Variants in GRK5 observed in about 807,000 individuals in gnomAD.
GRK5 encodes g protein-coupled receptor kinase GRK5.
Under a neutral mutation model 78.4 loss-of-function variants are expected in GRK5, and 40 were observed. The observed-to-expected ratio is 0.51, with a 90% confidence interval of 0.40 to 0.66. GRK5 has a LOEUF of 0.66. Among genes scored for constraint, GRK5 ranks in the 30% least tolerant of loss-of-function variants. The pLI is 0.00. For missense variants in GRK5, 598 were observed against 759.9 expected (o/e 0.79, Z 2.50); for synonymous variants, 289 against 296.8 (o/e 0.97, Z 0.27).
chr10:119,208,851 T>C (rs1325705469), intron 1 of GRK5, among the ~76,000 whole-genome samples: 6 of 151,948 alleles, frequency 3.9e-5, no homozygotes, highest in Non-Finnish European at 8.8e-5. Flanking sequence ...GAAATGATTG[T>C]GTTGTGTCCA....
At chr10:119,355,377 C>T (rs952158376) in intron 2 of GRK5, among the ~76,000 whole-genome samples, 4 of 152,292 alleles carry the variant, frequency 2.6e-5, no homozygotes, top group South Asian at 2.1e-4. Flanking sequence ...GGTATCTCTA[C>T]GAGGTGCTTA....
intron 1 of GRK5, among the ~76,000 whole-genome samples, chr10:119,233,253 G>A (rs1214075839): frequency 6.6e-6 from 1 of 152,244 alleles, no homozygotes; most frequent in African/African-American, 2.4e-5. Flanking sequence ...ACTCCTCCCT[G>A]TATTTAATCC....
chr10:119,255,038 C>CAA lies in GRK5; in HGVS notation c.52+47087_52+47088dup, dbSNP rs11427427. ...TGGGCGACAGAGCAAGACTCAGTCTCAAAAAAAAAAAAAAAAAAAGAAGGA... is the reference window on the plus strand; with the variant it reads ...TGGGCGACAGAGCAAGACTCAGTCTCAAAAAAAAAAAAAAAAAAAAAGAAGGA... On this transcript the variant is annotated intron_variant, in intron 1 of 15. Transcript: ENST00000392870. Among the ~76,000 whole-genome samples the CAA allele has an allele frequency of 8.5e-3, 961 of 113,200 alleles. 12 individuals are homozygous for CAA. The highest frequency in any genetic ancestry group is 0.013 in the Middle Eastern group (3 of 226). 74.3% of individuals were successfully genotyped at this position (113,200 alleles called of 152,430 possible).
At chr10:119,339,131 T>C (rs1850940967) in intron 2 of GRK5, among the ~76,000 whole-genome samples, 1 of 152,208 alleles carries the variant, frequency 6.6e-6, no homozygotes, top group African/African-American at 2.4e-5. Context: ...AAGTGGATGA[T>C]GTTTGGCGAG....
In GRK5 at chr10:119,456,254, C is replaced by A. The variant is rs1246495940; in HGVS notation, c.*1187C>A. 6.6e-6 allele frequency: 1 copy of A among 152,192 alleles called. No homozygotes were observed. Among genetic ancestry groups the A allele is most frequent in the Non-Finnish European group, 1.5e-5 (1 of 68,054 alleles). The allele number at this position is 152,192 out of a possible 1,614,324, so 9.4% of individuals were successfully genotyped here. A position where few individuals can be genotyped will look rare whatever the true frequency, so the allele number is the denominator to read the frequency against. On this transcript the variant is annotated 3_prime_UTR_variant, in exon 16 of 16. Coordinates refer to ENST00000392870, the MANE Select transcript of GRK5 (RefSeq NM_005308.3). This position sits in a 1 kb window ranked among gnomAD's most constrained non-coding sequence, Gnocchi z 5.5. Reference sequence around the variant, plus strand: ...GTAGTCTCTCTGGGCAAATGAGAGGCCCAAGGAGAGACCAAGCCACCAAAG... The same window carrying A: ...GTAGTCTCTCTGGGCAAATGAGAGGACCAAGGAGAGACCAAGCCACCAAAG...
intron 12 of GRK5, among the ~76,000 whole-genome samples, chr10:119,444,998 CCT>C (rs1257179098): frequency 6.6e-6 from 1 of 152,224 alleles, no homozygotes; most frequent in African/African-American, 2.4e-5. Flanking sequence ...CAGCCAGACA[CCT>C]CTGCTTGGCC....
chr10:119,350,837 G>C (rs1013822442), intron 2 of GRK5, among the ~76,000 whole-genome samples: 1 of 152,222 alleles, frequency 6.6e-6, no homozygotes, highest in African/African-American at 2.4e-5. Flanking sequence ...CATGCACGCA[G>C]CACAGCAGAA....
At chr10:119,326,262 G>A (rs755883814) in intron 1 of GRK5, among the ~76,000 whole-genome samples, 143 of 152,340 alleles carry the variant, frequency 9.4e-4, no homozygotes, top group Admixed American at 3.6e-3. Context: ...GTGTGGGTGG[G>A]GTGCAGGGGA....
intron 1 of GRK5, among the ~76,000 whole-genome samples, chr10:119,289,679 CG>C (rs1310484674): frequency 2.0e-5 from 3 of 152,186 alleles, no homozygotes; most frequent in African/African-American, 7.2e-5. Flanking sequence ...ACGGGCCTCC[CG>C]CTTCCCGAGT....
intron 1 of GRK5, among the ~76,000 whole-genome samples, chr10:119,268,458 T>C (rs1221310124): frequency 6.6e-6 from 1 of 152,204 alleles, no homozygotes; most frequent in Non-Finnish European, 1.5e-5. Flanking sequence ...AGTCCTTCCT[T>C]TTGCTACTTT....
chr10:119,409,157 G>A (rs537480354), intron 4 of GRK5, among the ~76,000 whole-genome samples: 44 of 152,318 alleles, frequency 2.9e-4, no homozygotes, highest in Middle Eastern at 3.4e-3. Flanking sequence ...TCCACTCTGC[G>A]CTGTGTCCTT....
intron 12 of GRK5, 27 bp from the exon 13 acceptor site, chr10:119,448,096 G>C (rs764501921): frequency 9.9e-6 from 15 of 1,518,730 alleles, no homozygotes; most frequent in East Asian, 2.6e-5. Flanking sequence ...CCCAGGGGAC[G>C]TGGCTTCATG....
chr10:119,448,851 C>T (rs949827548), intron 13 of GRK5, among the ~76,000 whole-genome samples: 1 of 152,188 alleles, frequency 6.6e-6, no homozygotes, highest in Non-Finnish European at 1.5e-5. Flanking sequence ...TGAAAGTCCC[C>T]TACATGGTCT....
intron 2 of GRK5, among the ~76,000 whole-genome samples, chr10:119,340,658 T>G (rs1030877636): frequency 2.0e-5 from 3 of 152,200 alleles, no homozygotes; most frequent in East Asian, 1.9e-4. Flanking sequence ...TCATTTAAAA[T>G]GGAAACCTGT....
intron 4 of GRK5, among the ~76,000 whole-genome samples, chr10:119,407,084 A>T (rs1336859469): frequency 1.3e-5 from 2 of 151,918 alleles, no homozygotes; most frequent in African/African-American, 4.8e-5. Context: ...CAGCGTGCAA[A>T]CAGATAAAAA....
intron 4 of GRK5, among the ~76,000 whole-genome samples, chr10:119,416,693 A>G (rs977695446): frequency 1.3e-5 from 2 of 151,976 alleles, no homozygotes; most frequent in Non-Finnish European, 2.9e-5. Context: ...TCCTGGGTTC[A>G]AGCGATTCTC....
chr10:119,326,809 G>C (rs1020437475), intron 2 of GRK5, among the ~76,000 whole-genome samples, 198 bp downstream of exon 2: 2 of 152,242 alleles, frequency 1.3e-5, no homozygotes, highest in Admixed American at 1.3e-4. Flanking sequence ...CAGGCAACCA[G>C]TATTCATTGA....
At chr10:119,331,974 G>T (rs1020680154) in intron 2 of GRK5, among the ~76,000 whole-genome samples, 2 of 152,118 alleles carry the variant, frequency 1.3e-5, no homozygotes, top group Non-Finnish European at 2.9e-5. Flanking sequence ...AATACATAGG[G>T]TTACAGAGGA....
chr10:119,296,989 G>A (rs1268839507), intron 1 of GRK5, among the ~76,000 whole-genome samples: 3 of 152,220 alleles, frequency 2.0e-5, no homozygotes, highest in Non-Finnish European at 2.9e-5. Flanking sequence ...CACAGCTGAA[G>A]CTGGCAGCTC....
Sources: gnomAD v4.1 joint callset for allele counts (sites outside exome capture counted in the v4.1 genomes callset) on GRCh38, gnomAD v4.1.1 for gene constraint, Gnocchi (gnomAD v3.1) non-coding constraint, MANE v1.5 for transcripts, NCBI Gene and HGNC (gene_info 2026-07-23, HGNC 2026-07-21) for gene names.